ARFGEF2: variants seen among roughly 807,000 people sequenced by gnomAD.
The protein encoded by ARFGEF2 is brefeldin A-inhibited guanine nucleotide-exchange protein 2.
A neutral mutation model predicts 219.9 loss-of-function variants in ARFGEF2; 74 were observed. The observed-to-expected ratio is 0.34, with a 90% CI of 0.28 to 0.41. ARFGEF2 has a LOEUF of 0.41. Among genes scored for constraint, ARFGEF2 ranks in the 10% least tolerant of loss-of-function variants. The probability of loss-of-function intolerance (pLI) is 1.00; values close to 1 mark genes in which losing one functional copy is unlikely to be tolerated. For missense variants in ARFGEF2, 1,743 were observed against 2,218.3 expected (o/e 0.79, Z 4.30); for synonymous variants, 733 against 799.2 (o/e 0.92, Z 1.40).
Position 48,971,227 on chromosome 20 carries a change from A to C in ARFGEF2, c.1298A>C (p.Lys433Thr). Reference sequence around the variant, plus strand: ...CACGAGATGTTCATCAATGCAATCAAGCAATATCTCTGTGTGGCCTTGTCC... The same window carrying C: ...CACGAGATGTTCATCAATGCAATCACGCAATATCTCTGTGTGGCCTTGTCC... ...RTHEMFINAI[K>T]QYLCVALSKN... Residue 433 changes from lysine (K) to threonine (T), a missense_variant, in exon 10 of 39, where the codon AAG becomes ACG. By Grantham distance (78) the Lys-to-Thr change is moderately conservative (BLOSUM62 -1). Coordinates refer to ENST00000371917, the MANE Select transcript of ARFGEF2 (RefSeq NM_006420.3). 6.2e-7 allele frequency: 1 copy of C among 1,614,144 alleles called. No individual in the cohort carries two copies. The highest frequency in any genetic ancestry group is 8.5e-7 in the Non-Finnish European group (1 of 1,180,030).
chr20:48,969,609 A>G (rs1197149688), intron 9 of ARFGEF2, among the ~76,000 whole-genome samples: 3 of 152,242 alleles, frequency 2.0e-5, no homozygotes, highest in Admixed American at 2.0e-4. Context: ...GAGGGACAGG[A>G]TGCCTGCAAA....
chr20:49,028,685 C>T lies in ARFGEF2; in HGVS notation c.5063+17C>T, dbSNP rs2091617125. 6.2e-6 allele frequency: 10 copies of T among 1,611,904 alleles called. No homozygotes were observed. The East Asian group carries it at 2.2e-4, about 36-fold the overall frequency. ...ACTTTTAACGTAAGAAAATTAGTTT[C>T]TGATTAGATTTCTATCTGCTATATA... is the stretch of plus-strand genomic sequence containing the variant. On this transcript the variant is annotated intron_variant, in intron 37 of 38. Transcript: ENST00000371917.
At chr20:48,931,967 G>C (rs1234735886) in intron 1 of ARFGEF2, among the ~76,000 whole-genome samples, 1 of 152,212 alleles carries the variant, frequency 6.6e-6, no homozygotes, top group South Asian at 2.1e-4. Flanking sequence ...GGGTGGAAGG[G>C]AGGATAATTG....
chr20:49,012,483 A>C (rs2091505334), intron 28 of ARFGEF2, among the ~76,000 whole-genome samples: 2 of 140,406 alleles, frequency 1.4e-5, no homozygotes, highest in Non-Finnish European at 3.1e-5. Context: ...TTTTCTCCTG[A>C]AAATGATGGG....
At chr20:48,987,988 A>G (rs188720770) in intron 16 of ARFGEF2, among the ~76,000 whole-genome samples, 72 of 152,218 alleles carry the variant, frequency 4.7e-4, no homozygotes, top group African/African-American at 1.7e-3. Context: ...GGGTTTCACC[A>G]TGTTGGCCAG....
At chr20:49,014,506 C>T (rs919856050) in intron 30 of ARFGEF2, among the ~76,000 whole-genome samples, 3 of 151,914 alleles carry the variant, frequency 2.0e-5, no homozygotes, top group Non-Finnish European at 4.4e-5. Context: ...CTTCTCTCAC[C>T]GCAACATAAA....
intron 15 of ARFGEF2, among the ~76,000 whole-genome samples, chr20:48,985,207 T>C (rs2091320214): frequency 7.7e-6 from 1 of 129,114 alleles, no homozygotes; most frequent in Admixed American, 9.4e-5. Context: ...CCCCCTCCTC[T>C]TCCTTCATCC....
chr20:48,953,342 A>AT (rs1256822863), intron 5 of ARFGEF2, among the ~76,000 whole-genome samples: 3 of 151,552 alleles, frequency 2.0e-5, no homozygotes, highest in East Asian at 3.9e-4. Flanking sequence ...CACCCAGCTA[A>AT]TTTTTTTATT....
intron 6 of ARFGEF2, among the ~76,000 whole-genome samples, chr20:48,954,043 C>T (rs972812896): frequency 6.6e-6 from 1 of 152,196 alleles, no homozygotes; most frequent in Non-Finnish European, 1.5e-5. Context: ...TCATGTCAGC[C>T]TCAGTGCAAC....
intron 1 of ARFGEF2, among the ~76,000 whole-genome samples, chr20:48,922,499 C>T (rs570276490): frequency 6.6e-6 from 1 of 152,210 alleles, no homozygotes; most frequent in South Asian, 2.1e-4. Context: ...TAGCTCTTTC[C>T]CTCAAGGAAG....
At chr20:48,922,279 G>GT (rs2090847251) in intron 1 of ARFGEF2, among the ~76,000 whole-genome samples, 1 of 152,210 alleles carries the variant, frequency 6.6e-6, no homozygotes. Flanking sequence ...TTGTCGCCCT[G>GT]TTTCCTGGTT....
intron 12 of ARFGEF2, among the ~76,000 whole-genome samples, chr20:48,973,690 C>T (rs1429450154): frequency 1.3e-5 from 2 of 152,160 alleles, no homozygotes; most frequent in Admixed American, 6.5e-5. Context: ...CAGAATACCT[C>T]ATTAGAGCAC....
In ARFGEF2 at chr20:49,021,068, T is replaced by A. The variant is rs1161187701; in HGVS notation, c.4625-1983T>A. Among the ~76,000 whole-genome samples, 5 of 152,118 alleles carry A rather than the reference T, an allele frequency of 3.3e-5. No individual in the cohort carries two copies. In the South Asian group the frequency reaches 6.2e-4, roughly 19 times the overall value. On this transcript the variant is annotated intron_variant, in intron 34 of 38. Coordinates refer to ENST00000371917, the MANE Select transcript of ARFGEF2 (RefSeq NM_006420.3). ...AACTCCACTGTATTAAAAAAAAAAA[T>A]TTAAAACAATCTACATGGAGAATTG...
In ARFGEF2 at chr20:49,033,696, T is replaced by A. The variant is rs2091650399; in HGVS notation, c.*497T>A. 6.1e-6 allele frequency: 1 copy of A among 162,604 alleles called. No individual in the cohort carries two copies. The highest frequency in any genetic ancestry group is 1.4e-5 in the Non-Finnish European group (1 of 73,246). 10.1% of individuals were successfully genotyped at this position (162,604 alleles called of 1,614,324 possible). A position where few individuals can be genotyped will look rare whatever the true frequency, so the allele number is the denominator to read the frequency against. On this transcript the variant is annotated 3_prime_UTR_variant, in exon 39 of 39. Coordinates refer to ENST00000371917, the MANE Select transcript of ARFGEF2 (RefSeq NM_006420.3). ...TTTGAATGTTTTTGTCAGTTACGAG[T>A]CAGCCGTAATTAGATTAGTTTAAGG...
rs927361587 is a variant in ARFGEF2, at chr20:48,941,852, C to T, written c.153-12C>T. 11 of 1,614,104 alleles carry T rather than the reference C, an allele frequency of 6.8e-6. No individual in the cohort carries two copies. The African/African-American group carries it at 1.2e-4, about 18-fold the overall frequency. ...CATTTCTTCTCCCGACCCTCTCTTG[C>T]TTTTCTCCTAGGCTTGGCACTGCTG... On this transcript the variant is annotated splice_polypyrimidine_tract_variant and intron_variant, in intron 2 of 38. Coordinates refer to ENST00000371917, the MANE Select transcript of ARFGEF2 (RefSeq NM_006420.3).
intron 21 of ARFGEF2, among the ~76,000 whole-genome samples, chr20:48,994,133 A>T (rs1244366524): frequency 6.6e-6 from 1 of 152,130 alleles, no homozygotes; most frequent in Non-Finnish European, 1.5e-5. Flanking sequence ...CAAGGCCCTG[A>T]GGTGGGACAA....
intron 26 of ARFGEF2, among the ~76,000 whole-genome samples, chr20:49,008,420 G>A (rs973409192): frequency 7.2e-5 from 11 of 151,922 alleles, no homozygotes; most frequent in African/African-American, 1.7e-4. Flanking sequence ...AAAATTAGCC[G>A]GGTGTGGTGG....
chr20:48,993,066 A>G (rs1485772828), intron 21 of ARFGEF2, among the ~76,000 whole-genome samples: 7 of 152,170 alleles, frequency 4.6e-5, no homozygotes, highest in African/African-American at 1.2e-4. Context: ...AAAAAAATAT[A>G]TATTTTGAAT....
chr20:49,013,223 A>G (rs996640296), intron 28 of ARFGEF2, among the ~76,000 whole-genome samples: 9 of 152,196 alleles, frequency 5.9e-5, no homozygotes, highest in African/African-American at 1.9e-4. Context: ...GTAACATTCC[A>G]GAAAGACCTA....
Sources: gnomAD v4.1 joint callset for allele counts (sites outside exome capture counted in the v4.1 genomes callset) on GRCh38, gnomAD v4.1.1 for gene constraint, MANE v1.5 for transcripts, NCBI Gene and HGNC (gene_info 2026-07-23, HGNC 2026-07-21) for gene names.